PCSK6: variants seen among roughly 807,000 people sequenced by gnomAD.
PCSK6 encodes the protein paired basic amino acid cleaving enzyme 4.
PCSK6 carries 85 observed loss-of-function variants against 123.3 expected under a neutral mutation model. The ratio of observed to expected loss-of-function variants is 0.69; its 90% CI spans 0.58 to 0.83. The LOEUF is 0.83. Ranked by LOEUF, PCSK6 falls within the 40% of genes least tolerant of loss-of-function variation. PCSK6 has a pLI of 0.00. For missense variants in PCSK6, 1,191 were observed against 1,282.3 expected, an observed-to-expected ratio of 0.93 and a Z score of 1.09; for synonymous variants, 508 against 516.0, an observed-to-expected ratio of 0.98 and a Z score of 0.21.
At chr15:101,423,955 G>A (rs879492157) in intron 6 of PCSK6, among the ~76,000 whole-genome samples, 12 of 152,236 alleles carry the variant, frequency 7.9e-5, no homozygotes, top group Non-Finnish European at 1.5e-4. Context: ...GGCCATGGTG[G>A]CTCATGCCTG....
chr15:101,379,788 C>T (rs1263854807), intron 11 of PCSK6, among the ~76,000 whole-genome samples: 1 of 152,232 alleles, frequency 6.6e-6, no homozygotes, highest in Non-Finnish European at 1.5e-5. Context: ...ATGGGGAAAA[C>T]TCGCATAGCT....
At chr15:101,403,084 T>C (rs973828013) in intron 6 of PCSK6, among the ~76,000 whole-genome samples, 14 of 152,064 alleles carry the variant, frequency 9.2e-5, no homozygotes, top group African/African-American at 3.1e-4. Context: ...TGGAATACTA[T>C]GCAGCCATAA....
chr15:101,476,911 C>T (rs976391301), intron 1 of PCSK6, among the ~76,000 whole-genome samples: 1 of 152,122 alleles, frequency 6.6e-6, no homozygotes, highest in Non-Finnish European at 1.5e-5. Context: ...TGATGCCGGA[C>T]GGGAGATGCA....
chr15:101,305,506 G>A lies in PCSK6; in HGVS notation c.2813-151C>T, dbSNP rs2039703295. On this transcript the variant is annotated intron_variant, in intron 21 of 21. Transcript: ENST00000611716. This position sits in a 1 kb window ranked among gnomAD's most constrained non-coding sequence, Gnocchi z 4.8. ...GTGGATCACCTGAGGTCAGGAGCTT[G>A]AGACCAGTCTAACCAACATGGTGAA... 3.2e-6 allele frequency: 2 copies of A among 624,058 alleles called. No individual in the cohort carries two copies. Among genetic ancestry groups the A allele is most frequent in the African/African-American group, 1.8e-5 (1 of 55,364 alleles). The allele number at this position is 624,058 out of a possible 1,614,324, so 38.7% of individuals were successfully genotyped here.
At chr15:101,364,953 T>C (rs1352076657) in intron 13 of PCSK6, 7 of 774,678 alleles carry the variant, frequency 9.0e-6, no homozygotes, top group Admixed American at 1.7e-5. Flanking sequence ...GACTCCAAGA[T>C]AGATATACAG....
At chr15:101,331,765 C>T in intron 14 of PCSK6, 76 bp from the exon 15 acceptor site, 1 of 1,597,984 alleles carries the variant, frequency 6.3e-7, no homozygotes, top group Non-Finnish European at 8.6e-7. Flanking sequence ...CCCACCTTTG[C>T]CAGGAGCAGC....
intron 1 of PCSK6, among the ~76,000 whole-genome samples, chr15:101,473,882 A>G (rs3031710): frequency 1.3e-5 from 2 of 150,776 alleles, no homozygotes; most frequent in Non-Finnish European, 3.0e-5. Flanking sequence ...TCTCAAATAA[A>G]TAAGTAAATA....
chr15:101,312,776 G>A (rs1475886707), intron 20 of PCSK6, among the ~76,000 whole-genome samples: 1 of 152,134 alleles, frequency 6.6e-6, no homozygotes, highest in Non-Finnish European at 1.5e-5. Flanking sequence ...AGCTTGCAAT[G>A]AGCCGAGATC....
chr15:101,436,834 C>T (rs537450051), intron 2 of PCSK6, among the ~76,000 whole-genome samples: 22 of 152,318 alleles, frequency 1.4e-4, no homozygotes, highest in Non-Finnish European at 2.9e-4. Flanking sequence ...CTAAAGAGCT[C>T]AGTGAGAAAG....
intron 19 of PCSK6, among the ~76,000 whole-genome samples, chr15:101,317,123 G>A (rs1056113701): frequency 6.6e-6 from 1 of 152,072 alleles, no homozygotes. Flanking sequence ...TGTTGGCCAG[G>A]CTGGTCTTGA....
At chr15:101,434,656 G>A (rs2056544017) in intron 2 of PCSK6, among the ~76,000 whole-genome samples, 1 of 152,226 alleles carries the variant, frequency 6.6e-6, no homozygotes. Flanking sequence ...TAACACACCT[G>A]CTCATTGTAA....
chr15:101,489,301 G>GCGGAGGCGCCCCCCTCGCGCGCGC lies in PCSK6; in HGVS notation c.297+49_297+72dup, dbSNP rs1349915752. ...GGGCCGGGGCCGGGCGGACAGGACTGCGGAGGCGCCCCCCTCGCGCGCGCC... is the reference window on the plus strand; with the variant it reads ...GGGCCGGGGCCGGGCGGACAGGACTGCGGAGGCGCCCCCCTCGCGCGCGCCGGAGGCGCCCCCCTCGCGCGCGCC... On this transcript the variant is annotated intron_variant, in intron 1 of 21. Transcript: ENST00000611716. The GCGGAGGCGCCCCCCTCGCGCGCGC allele has an allele frequency of 3.1e-6, 3 of 966,442 alleles. No homozygotes were observed. The African/African-American group carries it at 5.4e-5, about 17-fold the overall frequency. 59.9% of individuals were successfully genotyped at this position (966,442 alleles called of 1,614,324 possible). A position where few individuals can be genotyped will look rare whatever the true frequency, so the allele number is the denominator to read the frequency against.
At chr15:101,371,293 G>A (rs1370580778) in intron 11 of PCSK6, among the ~76,000 whole-genome samples, 1 of 152,146 alleles carries the variant, frequency 6.6e-6, no homozygotes, top group African/African-American at 2.4e-5. Flanking sequence ...ACCAGAAGGC[G>A]GCTTCTCCTC....
rs10639429 is a variant in PCSK6, at chr15:101,361,956, C to CTTTTT, written c.1858+4235_1858+4239dup. Among the ~76,000 whole-genome samples the CTTTTT allele has an allele frequency of 8.8e-3, 986 of 111,478 alleles. 87 individuals carry two copies. The East Asian group carries it at 0.15, about 17-fold the overall frequency. 73.1% of individuals were successfully genotyped at this position (111,478 alleles called of 152,430 possible). On this transcript the variant is annotated intron_variant, in intron 13 of 21. Transcript: ENST00000611716. ...CCAAGCAATGGAGTGCAAGGTGAAG[C>CTTTTT]TTTTTTTTTTTTTTTTTTGAGTTGG... is the stretch of plus-strand genomic sequence containing the variant.
chr15:101,334,001 T>A (rs2141374943), intron 13 of PCSK6, among the ~76,000 whole-genome samples: 1 of 152,320 alleles, frequency 6.6e-6, no homozygotes, highest in African/African-American at 2.4e-5. Flanking sequence ...AAGCCTCCCT[T>A]AGCCTGGACA....
At chr15:101,390,571 G>A (rs2042204693) in intron 8 of PCSK6, among the ~76,000 whole-genome samples, 1 of 152,210 alleles carries the variant, frequency 6.6e-6, no homozygotes, top group Non-Finnish European at 1.5e-5. Context: ...GCATTGAAGA[G>A]GGAGCTGAGG....
intron 1 of PCSK6, among the ~76,000 whole-genome samples, chr15:101,464,299 G>C (rs1324489549): frequency 6.6e-6 from 1 of 152,182 alleles, no homozygotes; most frequent in East Asian, 1.9e-4. Context: ...GGGGGCAGGA[G>C]CCTGGGAGGT....
chr15:101,384,689 C>T (rs2042009553), intron 9 of PCSK6, among the ~76,000 whole-genome samples: 1 of 152,220 alleles, frequency 6.6e-6, no homozygotes, highest in African/African-American at 2.4e-5. Context: ...CCAAGCTCTG[C>T]CTGAGTTTGC....
At chr15:101,442,781 C>T (rs1304313196) in intron 2 of PCSK6, among the ~76,000 whole-genome samples, 1 of 152,186 alleles carries the variant, frequency 6.6e-6, no homozygotes, top group East Asian at 1.9e-4. Context: ...GCTGCTACTG[C>T]TTCTCACGTG....
Sources: allele counts gnomAD v4.1 joint callset (sites outside exome capture counted in the v4.1 genomes callset), GRCh38; gene constraint gnomAD v4.1.1; non-coding constraint Gnocchi (gnomAD v3.1); transcripts MANE v1.5; gene names NCBI Gene and HGNC (gene_info 2026-07-23, HGNC 2026-07-21).